Variants in TCF7L1 observed in about 807,000 individuals in gnomAD.
TCF7L1 encodes the protein transcription factor 7 like 1.
In TCF7L1, 18 loss-of-function variants were observed where a neutral mutation model predicts 63.7. The observed-to-expected ratio is 0.28, with a 90% CI of 0.20 to 0.42. The LOEUF (loss-of-function observed/expected upper bound fraction) is 0.42. TCF7L1 is among the 10% of genes least tolerant of loss of function. The probability of loss-of-function intolerance (pLI) is 1.00; values close to 1 mark genes in which losing one functional copy is unlikely to be tolerated. For synonymous variants in TCF7L1, 355 were observed against 340.9 expected (o/e 1.04, Z -0.46); for missense variants, 654 against 779.3 (o/e 0.84, Z 1.91).
chr2:85,234,131 C>CTTTTTTTTTTTTTTTTTTT (rs35508338), intron 3 of TCF7L1, among the ~76,000 whole-genome samples: 14 of 65,240 alleles, frequency 2.1e-4, no homozygotes, highest in Non-Finnish European at 3.1e-4. Flanking sequence ...TTTTTCTTTT[C>CTTTTTTTTTTTTTTTTTTT]TTTTTTTTTT....
intron 3 of TCF7L1, among the ~76,000 whole-genome samples, chr2:85,231,623 C>G (rs565227966): frequency 1.1e-4 from 17 of 152,284 alleles, no homozygotes; most frequent in Admixed American, 3.3e-4. Flanking sequence ...TCCCTGGGCA[C>G]CAGGGAGTAT....
chr2:85,263,070 C>T (rs1327361944), intron 3 of TCF7L1, among the ~76,000 whole-genome samples: 4 of 152,242 alleles, frequency 2.6e-5, no homozygotes, highest in African/African-American at 9.6e-5. Context: ...TTTGCCTTCA[C>T]TTGGGCCAAT....
chr2:85,233,363 T>C (rs2104315283), intron 3 of TCF7L1, among the ~76,000 whole-genome samples: 1 of 150,132 alleles, frequency 6.7e-6, no homozygotes, highest in African/African-American at 2.5e-5. Flanking sequence ...GTTGCCAGGC[T>C]GGAATGCAAT....
intron 3 of TCF7L1, among the ~76,000 whole-genome samples, chr2:85,218,168 A>G (rs1282763664): frequency 6.6e-6 from 1 of 152,052 alleles, no homozygotes; most frequent in Non-Finnish European, 1.5e-5. Flanking sequence ...AAAGCACTAT[A>G]ATTAACTCTA....
At chr2:85,305,981 T>C (rs939332034) in intron 8 of TCF7L1, among the ~76,000 whole-genome samples, 4 of 151,964 alleles carry the variant, frequency 2.6e-5, no homozygotes, top group East Asian at 1.9e-4. Context: ...TGTCAGGAAA[T>C]TGGAGAGTAG....
At chr2:85,274,808 C>T (rs967245425) in intron 3 of TCF7L1, among the ~76,000 whole-genome samples, 6 of 152,212 alleles carry the variant, frequency 3.9e-5, no homozygotes, top group Non-Finnish European at 8.8e-5. Flanking sequence ...AAGCGCAGGT[C>T]ACAGGCTCCT....
intron 3 of TCF7L1, among the ~76,000 whole-genome samples, chr2:85,247,692 C>T (rs936957763): frequency 6.6e-6 from 1 of 152,158 alleles, no homozygotes; most frequent in African/African-American, 2.4e-5. Flanking sequence ...GCGCGGGTGT[C>T]CTATGGCTCT....
chr2:85,233,687 T>C (rs1348175407), intron 3 of TCF7L1: 1 of 152,172 alleles, frequency 6.6e-6, no homozygotes, highest in East Asian at 1.9e-4. Flanking sequence ...AATCATGATA[T>C]AGAACAATTC....
At chr2:85,291,585 G>A (rs1372110216) in intron 4 of TCF7L1, among the ~76,000 whole-genome samples, 1 of 128,940 alleles carries the variant, frequency 7.8e-6, no homozygotes, top group Non-Finnish European at 1.7e-5. Context: ...TTTGGTTTTG[G>A]TTTTGGTTTT....
chr2:85,211,832 G>A (rs1047004975), intron 3 of TCF7L1, among the ~76,000 whole-genome samples: 2 of 152,156 alleles, frequency 1.3e-5, no homozygotes, highest in African/African-American at 2.4e-5. Flanking sequence ...GCTCATGCCT[G>A]TAATCCCAGC....
intron 3 of TCF7L1, among the ~76,000 whole-genome samples, chr2:85,169,274 G>C (rs368714927): frequency 2.0e-5 from 3 of 151,520 alleles, no homozygotes; most frequent in African/African-American, 4.8e-5. Context: ...CCTCCTTCCA[G>C]ACTCTACCCC....
chr2:85,259,319 T>C (rs1345808131), intron 3 of TCF7L1, among the ~76,000 whole-genome samples: 12 of 152,214 alleles, frequency 7.9e-5, no homozygotes, highest in Non-Finnish European at 1.5e-5. Context: ...CAGCCACCCT[T>C]TAAAAAGCCC....
chr2:85,162,295 C>T (rs1258716063), intron 3 of TCF7L1, among the ~76,000 whole-genome samples: 1 of 152,150 alleles, frequency 6.6e-6, no homozygotes. Context: ...ACTTCTGTGC[C>T]CAGAATCTCT....
At chr2:85,215,102 C>T (rs1323052407) in intron 3 of TCF7L1, among the ~76,000 whole-genome samples, 1 of 152,148 alleles carries the variant, frequency 6.6e-6, no homozygotes, top group Non-Finnish European at 1.5e-5. Context: ...AGATGAGATT[C>T]CTGGGGCATC....
At chr2:85,147,121 C>T (rs552900905) in intron 3 of TCF7L1, among the ~76,000 whole-genome samples, 189 of 151,600 alleles carry the variant, frequency 1.2e-3, no homozygotes, top group African/African-American at 4.1e-3. Flanking sequence ...TGGAAAAGTT[C>T]GGAATTAAAA....
At chr2:85,201,641 G>A (rs891775000) in intron 3 of TCF7L1, among the ~76,000 whole-genome samples, 25 of 152,112 alleles carry the variant, frequency 1.6e-4, no homozygotes, top group South Asian at 2.1e-4. Context: ...GCTGGGTTGC[G>A]TGGTCACTTT....
intron 3 of TCF7L1, among the ~76,000 whole-genome samples, chr2:85,203,165 G>A (rs1309952461): frequency 6.6e-6 from 1 of 152,156 alleles, no homozygotes; most frequent in Non-Finnish European, 1.5e-5. Flanking sequence ...AAAGGTTAAA[G>A]TGTATTCTCC....
intron 3 of TCF7L1, among the ~76,000 whole-genome samples, chr2:85,207,002 C>G (rs924573008): frequency 1.3e-5 from 2 of 152,178 alleles, no homozygotes; most frequent in African/African-American, 4.8e-5. Flanking sequence ...TTCTGTCACC[C>G]AAAATGTGTT....
intron 3 of TCF7L1, among the ~76,000 whole-genome samples, chr2:85,187,014 T>A (rs532016384): frequency 9.9e-5 from 15 of 152,272 alleles, no homozygotes; most frequent in Non-Finnish European, 1.6e-4. Context: ...GTGAACATAC[T>A]CCGTCCCCTG....
Sources: allele counts gnomAD v4.1 joint callset (sites outside exome capture counted in the v4.1 genomes callset), GRCh38; gene constraint gnomAD v4.1.1; transcripts MANE v1.5; gene names NCBI Gene and HGNC (gene_info 2026-07-23, HGNC 2026-07-21).